Variants in NPHS1 observed in about 807,000 individuals in gnomAD.
The protein encoded by NPHS1 is nephrin.
A neutral mutation model predicts 139.7 loss-of-function variants in NPHS1; 107 were observed. The observed-to-expected ratio is 0.77, with a 90% confidence interval of 0.66 to 0.90. The LOEUF (loss-of-function observed/expected upper bound fraction) is 0.90, where lower values mean the gene tolerates loss of function less well. Among genes scored for constraint, NPHS1 ranks in the 40% least tolerant of loss-of-function variants. The probability of loss-of-function intolerance (pLI) is 0.00; values close to 1 mark genes in which losing one functional copy is unlikely to be tolerated. For missense variants in NPHS1, 1,580 were observed against 1,654.2 expected (o/e 0.96, Z 0.78); for synonymous variants, 707 against 706.6 (o/e 1.00, Z -0.01).
At position 35,839,284 on chromosome 19, in the gene NPHS1, T is replaced by TC. The variant is rs34124941; in HGVS notation, c.3061dup (p.Asp1021GlyfsTer6). 4 of 1,613,990 alleles carry TC rather than the reference T, an allele frequency of 2.5e-6. No individual in the cohort carries two copies. The highest frequency in any genetic ancestry group is 3.4e-6 in the Non-Finnish European group (4 of 1,180,036). The stretch of plus-strand genomic sequence containing the variant: ...GGTCCCTTTGTCAGCCAGTCCACTG[T>TC]CCCCCAAGGCATTACTGGCCAGCAG... On this transcript the variant is annotated frameshift_variant, in exon 22 of 29. Transcript: ENST00000378910. LOFTEE classifies it high-confidence loss of function.
intron 22 of NPHS1, 90 bp from the exon 23 acceptor site, chr19:35,835,851 T>G: frequency 8.5e-7 from 1 of 1,173,346 alleles, no homozygotes; most frequent in Non-Finnish European, 1.3e-6. Context: ...GCCTATTAGA[T>G]TCATGGGAAC....
chr19:35,835,199 C>CAAAAAAAAAAAAAA (rs71167570), intron 23 of NPHS1, among the ~76,000 whole-genome samples: 3 of 71,210 alleles, frequency 4.2e-5, no homozygotes, highest in African/African-American at 5.3e-5. Flanking sequence ...GACTCTGTCT[C>CAAAAAAAAAAAAAA]AAAAAAAAAA....
At position 35,842,458 on chromosome 19, in the gene NPHS1, G is replaced by A; in HGVS notation, c.2427C>T (p.Ala809=). ...GRLRIHHAKL[A]QAGAYQCIVD... ...CAATGCACTGGTAAGCGCCAGCCTG[G>A]GCCAGTTTGGCATGGTGAATCCGCA... is the stretch of plus-strand genomic sequence containing the variant. The change falls in exon 18 of 29, where the codon GCC becomes GCT. Residue 809 remains alanine (A), a synonymous_variant. Coordinates refer to ENST00000378910, the MANE Select transcript of NPHS1 (RefSeq NM_004646.4). 1 of 1,614,086 alleles carries A rather than the reference G, an allele frequency of 6.2e-7. No individual in the cohort carries two copies. The highest frequency in any genetic ancestry group is 2.2e-5 in the East Asian group (1 of 44,884).
chr19:35,851,705 G>C, intron 1 of NPHS1, 33 bp from the exon 2 acceptor site: 1 of 1,591,738 alleles, frequency 6.3e-7, no homozygotes, highest in Non-Finnish European at 8.6e-7. Flanking sequence ...GGAAAGGGCA[G>C]AGGGTTTGTC....
In NPHS1 at chr19:35,831,092, G is replaced by A. The variant is rs150855173; in HGVS notation, c.3442C>T (p.Gln1148Ter). The change falls in exon 27 of 29, where the codon CAG (glutamine) becomes TAG (stop). Residue 1148 changes from glutamine to a stop codon, truncating the protein, a stop_gained. Transcript: ENST00000378910. LOFTEE classifies it high-confidence loss of function. ...ACCTCCTCCTGCGTCGGGGGCAGCT[G>A]GGGGCTGAAGTCCCTCAGGGAGCGG... ...YYRSLRDFSPQLPPTQEEVSY... is the reference protein window; with the variant it reads ...YYRSLRDFSP The A allele has an allele frequency of 4.1e-5, 66 of 1,613,990 alleles. No homozygotes were observed. The highest frequency in any genetic ancestry group is 4.8e-5 in the Non-Finnish European group (57 of 1,180,036).
At chr19:35,850,749 A>T (rs1033468034) in intron 4 of NPHS1, among the ~76,000 whole-genome samples, 1 of 152,154 alleles carries the variant, frequency 6.6e-6, no homozygotes, top group Non-Finnish European at 1.5e-5. Context: ...TCTGGGCCTC[A>T]GCCTTGTGCT....
At position 35,835,752 on chromosome 19, in the gene NPHS1, T is replaced by C; in HGVS notation, c.3119A>G (p.Gln1040Arg). 1.2e-6 allele frequency: 2 copies of C among 1,613,648 alleles called. No homozygotes were observed. The highest frequency in any genetic ancestry group is 1.7e-6 in the Non-Finnish European group (2 of 1,179,764). Residue 1040 changes from glutamine to arginine, a missense_variant, in exon 23 of 29, where the codon CAG (glutamine) becomes CGG (arginine). Gln to Arg is a conservative substitution (Grantham distance 43). Transcript: ENST00000378910. ...CTGGTCTTCAGGTTCTCCAGAAGGC[T>C]GGTGGAGACCTGGGGGGTGGATATA... ...QLPITTPGLH[Q>R]PSGEPEDQLP...
At position 35,851,469 on chromosome 19, in the gene NPHS1, C is replaced by G. The variant is rs1246225340; in HGVS notation, c.262G>C (p.Asp88His). The change falls in exon 2 of 29, where the codon GAC becomes CAC. Residue 88 changes from aspartate (D) to histidine (H), a missense_variant. Asp to His is a moderately conservative substitution (Grantham distance 81). Transcript: ENST00000378910. ...TCTGATCCCTTACCTCTAGCAGGGT[C>G]CCCTTCCAGGCGGTACCTCGGGAAG... ...PGFPRYRLEGDPARGEFHLHI... is the reference protein window; with the variant it reads ...PGFPRYRLEGHPARGEFHLHI... The G allele has an allele frequency of 1.9e-6, 3 of 1,613,510 alleles. No individual in the cohort carries two copies. The highest frequency in any genetic ancestry group is 2.5e-6 in the Non-Finnish European group (3 of 1,179,966).
chr19:35,835,199 C>CAAAAAA (rs71167570), intron 23 of NPHS1, among the ~76,000 whole-genome samples: 10 of 71,214 alleles, frequency 1.4e-4, no homozygotes, highest in African/African-American at 2.7e-4. Flanking sequence ...GACTCTGTCT[C>CAAAAAA]AAAAAAAAAA....
At position 35,839,523 on chromosome 19, in the gene NPHS1, C is replaced by A. The variant is rs1973023898; in HGVS notation, c.2900G>T (p.Gly967Val). 6.2e-7 allele frequency: 1 copy of A among 1,614,130 alleles called. No homozygotes were observed. The highest frequency in any genetic ancestry group is 1.7e-5 in the Admixed American group (1 of 60,020). Residue 967 changes from glycine to valine, a missense_variant, in exon 21 of 29, where the codon GGG (glycine) becomes GTG (valine). Coordinates refer to ENST00000378910, the MANE Select transcript of NPHS1 (RefSeq NM_004646.4). ...VGLEWKPGFDGGLPQRFCIRY... is the reference protein window; with the variant it reads ...VGLEWKPGFDVGLPQRFCIRY... ...GATGCAGAACCTCTGTGGCAGGCCC[C>A]CATCAAAGCCAGGCTTCCACTCCAG...
intron 20 of NPHS1, 60 bp downstream of exon 20, chr19:35,841,655 G>T: frequency 1.3e-6 from 2 of 1,596,818 alleles, no homozygotes; most frequent in South Asian, 1.1e-5. Flanking sequence ...GGCCAATCAG[G>T]GATGTGGGAA....
chr19:35,849,542 C>T lies in NPHS1; in HGVS notation c.712+8G>A, dbSNP rs1288147542. On this transcript the variant is annotated splice_region_variant and intron_variant, in intron 6 of 28. Coordinates refer to ENST00000378910, the MANE Select transcript of NPHS1 (RefSeq NM_004646.4). ...TCAGCGCCCTAGTTGGCCCAGTTCT[C>T]CACTTACACAGAACATTCACGGTGA... 6.2e-7 allele frequency: 1 copy of T among 1,611,940 alleles called. No homozygotes were observed. The highest frequency in any genetic ancestry group is 1.7e-5 in the Admixed American group (1 of 59,988).
chr19:35,846,030 C>T lies in NPHS1; in HGVS notation c.1605G>A (p.Ala535=). ...KFTCKAGQLS[A]STQLAVQFPP... ...CACACTGCACCGCCAGCTGCGTGGA[C>T]GCGCTGAGCTGTCCAGCCTTGCACG... The change falls in exon 12 of 29, where the codon GCG becomes GCA. Residue 535 remains alanine, a synonymous_variant. Coordinates refer to ENST00000378910, the MANE Select transcript of NPHS1 (RefSeq NM_004646.4). The T allele has an allele frequency of 6.3e-7, 1 of 1,588,540 alleles. No homozygotes were observed. The highest frequency in any genetic ancestry group is 8.6e-7 in the Non-Finnish European group (1 of 1,167,608).
At chr19:35,838,890 C>G (rs979067991) in intron 22 of NPHS1, among the ~76,000 whole-genome samples, 1 of 151,972 alleles carries the variant, frequency 6.6e-6, no homozygotes, top group Non-Finnish European at 1.5e-5. Flanking sequence ...AAATAAAAAA[C>G]TAAAATAAGC....
rs368552957 is a variant in NPHS1 at position 35,831,507 on chromosome 19, G to C, written c.3287-7C>G. 2.5e-6 allele frequency: 4 copies of C among 1,613,990 alleles called. No homozygotes were observed. The Admixed American group carries it at 6.7e-5, about 27-fold the overall frequency. ...TCTGTCTTCTCTGAGATGCCTGAAGGAAACAGGAATAAAGGGCTCAGTGAC... is the reference window on the plus strand; with the variant it reads ...TCTGTCTTCTCTGAGATGCCTGAAGCAAACAGGAATAAAGGGCTCAGTGAC... On this transcript the variant is annotated splice_region_variant and splice_polypyrimidine_tract_variant and intron_variant, in intron 24 of 28. Transcript: ENST00000378910.
chr19:35,839,668 C>T lies in NPHS1; in HGVS notation c.2816-61G>A, dbSNP rs933793854. ...ACAAAAGAATTCCAGAAGATTCTGTCCAGGTTTTCCCTAGGAATGATTTTA... is the reference window on the plus strand; with the variant it reads ...ACAAAAGAATTCCAGAAGATTCTGTTCAGGTTTTCCCTAGGAATGATTTTA... On this transcript the variant is annotated intron_variant, in intron 20 of 28. Transcript: ENST00000378910. 3.8e-6 allele frequency: 5 copies of T among 1,313,046 alleles called. No individual in the cohort carries two copies. In the African/African-American group the frequency reaches 7.2e-5, roughly 19 times the overall value. 81.3% of individuals were successfully genotyped at this position (1,313,046 alleles called of 1,614,324 possible). A position where few individuals can be genotyped will look rare whatever the true frequency, so the allele number is the denominator to read the frequency against.
intron 22 of NPHS1, among the ~76,000 whole-genome samples, chr19:35,837,951 A>C (rs904839111): frequency 3.6e-4 from 55 of 151,530 alleles, no homozygotes; most frequent in Non-Finnish European, 6.0e-4. Context: ...AAAAAAAAAA[A>C]AAAAAAAAAC....
At chr19:35,847,425 G>T (rs1324414844) in intron 11 of NPHS1, among the ~76,000 whole-genome samples, 1 of 141,208 alleles carries the variant, frequency 7.1e-6, no homozygotes, top group East Asian at 2.1e-4. Context: ...CACAACCTCG[G>T]CTCACCACAA....
intron 20 of NPHS1, among the ~76,000 whole-genome samples, chr19:35,840,580 C>T (rs1373089955): frequency 1.3e-5 from 2 of 152,044 alleles, no homozygotes; most frequent in African/African-American, 2.4e-5. Flanking sequence ...GTGATCCACC[C>T]GCCTCGGCCT....
Sources: allele counts gnomAD v4.1 joint callset (sites outside exome capture counted in the v4.1 genomes callset), GRCh38; gene constraint gnomAD v4.1.1; transcripts MANE v1.5; gene names NCBI Gene and HGNC (gene_info 2026-07-23, HGNC 2026-07-21).